The following PHF21B variants were observed in gnomAD, a reference collection of about 807,000 sequenced individuals.
The protein encoded by PHF21B is PHD finger protein 4.
In PHF21B, 22 loss-of-function variants were observed where a neutral mutation model predicts 62.2. That is an observed-to-expected ratio of 0.35 (90% CI 0.25 to 0.51). The LOEUF is 0.51. Ranked by LOEUF, PHF21B falls within the 20% of genes least tolerant of loss-of-function variation. The pLI is 0.97. For synonymous variants in PHF21B, 341 were observed against 314.7 expected, an observed-to-expected ratio of 1.08 and a Z score of -0.88; for missense variants, 701 against 707.9, an observed-to-expected ratio of 0.99 and a Z score of 0.11.
At chr22:45,007,697 G>A (rs1022160819) in intron 2 of PHF21B, among the ~76,000 whole-genome samples, 11 of 55,806 alleles carry the variant, frequency 2.0e-4, no homozygotes, top group African/African-American at 4.8e-4. Context: ...GAAGGGGCGG[G>A]TGTGCGAGCG....
At chr22:44,971,518 C>T (rs761340271) in intron 2 of PHF21B, 4 of 152,376 alleles carry the variant, frequency 2.6e-5, no homozygotes, top group Admixed American at 2.0e-4. Context: ...GACCAATTTC[C>T]ACTGTGTCCA....
Position 44,955,506 on chromosome 22 carries a change from G to A in PHF21B, c.121-35016C>T, listed in dbSNP as rs780171377. On this transcript the variant is annotated intron_variant, in intron 2 of 12. Transcript: ENST00000313237. ...TAGGTAGACCCAGCAAAGAGAATCC[G>A]CGCCACCAATTCGGGTGGGCATCCA... is the stretch of plus-strand genomic sequence containing the variant. Among the ~76,000 whole-genome samples, 9 of 152,190 alleles carry A rather than the reference G, an allele frequency of 5.9e-5. 1 individual carries two copies. The highest frequency in any genetic ancestry group is 1.0e-4 in the Non-Finnish European group (7 of 68,024).
chr22:45,007,455 G>T (rs1377193443), intron 2 of PHF21B, among the ~76,000 whole-genome samples: 1 of 148,736 alleles, frequency 6.7e-6, no homozygotes, highest in African/African-American at 2.5e-5. Context: ...GGGGGCGCGC[G>T]GGGGCGGGCC....
intron 2 of PHF21B, among the ~76,000 whole-genome samples, chr22:44,925,979 C>G (rs2071621396): frequency 1.4e-5 from 1 of 70,074 alleles, no homozygotes; most frequent in South Asian, 3.8e-4. Context: ...GAGCCAGATT[C>G]CAGGTAACTC....
intron 2 of PHF21B, among the ~76,000 whole-genome samples, chr22:44,920,929 A>G (rs2071523975): frequency 6.6e-6 from 1 of 152,230 alleles, no homozygotes; most frequent in Non-Finnish European, 1.5e-5. Flanking sequence ...TTTGAGTTCT[A>G]GCTCCATCTT....
chr22:44,986,771 T>C (rs1018004762), intron 2 of PHF21B, among the ~76,000 whole-genome samples: 3 of 152,076 alleles, frequency 2.0e-5, no homozygotes, highest in Non-Finnish European at 4.4e-5. Flanking sequence ...CATGCCAGTG[T>C]TCCTGGAGCT....
At position 44,881,784 on chromosome 22, in the gene PHF21B, G is replaced by T. The variant is rs56034233; in HGVS notation, c.*1302C>A. On this transcript the variant is annotated 3_prime_UTR_variant, in exon 13 of 13. Transcript: ENST00000313237. ...GTGGCTCCTGGACGCTTATCCTGTT[G>T]TGCTGAGTCCCTCAGGACTGGGATG... 46,209 of 152,638 alleles carry T rather than the reference G, an allele frequency of 0.3. 8,612 individuals carry two copies. The highest frequency in any genetic ancestry group is 0.41 in the Non-Finnish European group (27,953 of 67,998). 9.5% of individuals were successfully genotyped at this position (152,638 alleles called of 1,614,324 possible). A position where few individuals can be genotyped will look rare whatever the true frequency, so the allele number is the denominator to read the frequency against.
At chr22:44,884,412 A>ATTAG (rs1287987996) in intron 12 of PHF21B, among the ~76,000 whole-genome samples, 10 of 56,600 alleles carry the variant, frequency 1.8e-4, no homozygotes, top group Non-Finnish European at 3.7e-4. Context: ...CACCACCATC[A>ATTAG]CCACCACCAT....
At chr22:44,992,749 T>C (rs2073061013) in intron 2 of PHF21B, among the ~76,000 whole-genome samples, 1 of 152,142 alleles carries the variant, frequency 6.6e-6, no homozygotes, top group Non-Finnish European at 1.5e-5. Flanking sequence ...ATGAGTGATG[T>C]GGCGGGGTGG....
intron 2 of PHF21B, among the ~76,000 whole-genome samples, chr22:44,927,673 T>C (rs561977094): frequency 2.8e-4 from 42 of 152,278 alleles, no homozygotes; most frequent in African/African-American, 9.4e-4. Context: ...CCTACCCGAG[T>C]GCGTTCTTCC....
intron 1 of PHF21B, 131 bp from the exon 2 acceptor site, chr22:45,008,741 G>C: frequency 8.7e-7 from 1 of 1,155,654 alleles, no homozygotes; most frequent in Non-Finnish European, 1.1e-6. Flanking sequence ...CAAGTTTCCC[G>C]GGCCGCGTCC....
At chr22:44,967,512 T>G (rs926612579) in intron 2 of PHF21B, among the ~76,000 whole-genome samples, 2 of 152,226 alleles carry the variant, frequency 1.3e-5, no homozygotes, top group African/African-American at 4.8e-5. Context: ...TGAGCCACTG[T>G]GCCCGGCCAG....
intron 5 of PHF21B, among the ~76,000 whole-genome samples, chr22:44,905,056 G>A (rs2071224532): frequency 6.6e-6 from 1 of 152,100 alleles, no homozygotes; most frequent in African/African-American, 2.4e-5. Context: ...TCCCACCTGA[G>A]AGATGGAGTC....
In PHF21B at chr22:44,893,533, T is replaced by A. The variant is rs1281368195; in HGVS notation, c.884A>T (p.Glu295Val). The A allele has an allele frequency of 6.3e-7, 1 of 1,598,134 alleles. No homozygotes were observed. The highest frequency in any genetic ancestry group is 1.3e-5 in the African/African-American group (1 of 74,768). The change falls in exon 7 of 13, where the codon GAA becomes GTA. Residue 295 changes from glutamate to valine, a missense_variant and splice_region_variant. Glu to Val is a moderately radical substitution (Grantham distance 121, BLOSUM62 -2). Coordinates refer to ENST00000313237, the MANE Select transcript of PHF21B (RefSeq NM_138415.5). ...LGLVTTEHLE[E>V]IQSKRQERKR... ...CCGCTCCTGTCGCTTGCTCTGGATT[T>A]CTGGAAAGGCACAGACACAGCAGTT...
rs569765889 is a variant in PHF21B, at chr22:44,953,106, G to C, written c.121-32616C>G. On this transcript the variant is annotated intron_variant, in intron 2 of 12. Transcript: ENST00000313237. ...TCCTGAGCAGCCCCTTCCTCTCTCT[G>C]AGGCCCAGGGTGCCCATGAACACTG... is the stretch of plus-strand genomic sequence containing the variant. Among the ~76,000 whole-genome samples, 11 of 152,288 alleles carry C rather than the reference G, an allele frequency of 7.2e-5. No homozygotes were observed. The South Asian group carries it at 2.3e-3, about 32-fold the overall frequency.
At chr22:44,949,809 A>C (rs546894200) in intron 2 of PHF21B, among the ~76,000 whole-genome samples, 2 of 152,266 alleles carry the variant, frequency 1.3e-5, no homozygotes, top group South Asian at 2.1e-4. Context: ...GTGGCTGATC[A>C]TTTCAATCAC....
At chr22:44,977,752 AT>A (rs112069200) in intron 2 of PHF21B, among the ~76,000 whole-genome samples, 13,461 of 134,984 alleles carry the variant, frequency 0.1, 1,115 homozygotes, top group African/African-American at 0.23. Context: ...CTCATTTTTC[AT>A]TTTTTTTTTT....
In PHF21B at chr22:45,008,539, G is replaced by C; in HGVS notation, c.120+6C>G. ...TCCCAGGGGGGGCCGCGATCCCATC[G>C]CTTACTTGTTTGTCGCTGAGCGCGG... On this transcript the variant is annotated splice_donor_region_variant and intron_variant, in intron 2 of 12. Transcript: ENST00000313237. 1.9e-6 allele frequency: 3 copies of C among 1,573,240 alleles called. No individual in the cohort carries two copies.
chr22:44,914,669 AT>A (rs202136363), intron 4 of PHF21B, among the ~76,000 whole-genome samples: 1 of 151,876 alleles, frequency 6.6e-6, no homozygotes, highest in East Asian at 1.9e-4. Flanking sequence ...ATAACATTCT[AT>A]TTTTTTTCAC....
Sources: allele counts gnomAD v4.1 joint callset (sites outside exome capture counted in the v4.1 genomes callset), GRCh38; gene constraint gnomAD v4.1.1; transcripts MANE v1.5; gene names NCBI Gene and HGNC (gene_info 2026-07-23, HGNC 2026-07-21).